OSBPL8: variants seen among roughly 807,000 people sequenced by gnomAD.
OSBPL8 encodes the protein oxysterol binding protein like 8.
A neutral mutation model predicts 125.5 loss-of-function variants in OSBPL8; 59 were observed. The ratio of observed to expected loss-of-function variants is 0.47; its 90% CI spans 0.38 to 0.58. The LOEUF (loss-of-function observed/expected upper bound fraction) is 0.58. Ranked by LOEUF, OSBPL8 falls within the 20% of genes least tolerant of loss-of-function variation. The pLI is 0.00. For synonymous variants in OSBPL8, 330 were observed against 338.9 expected (o/e 0.97, Z 0.29); for missense variants, 758 against 1,047.8 (o/e 0.72, Z 3.82).
At chr12:76,455,951 C>T (rs1230570959) in intron 3 of OSBPL8, among the ~76,000 whole-genome samples, 1 of 152,218 alleles carries the variant, frequency 6.6e-6, no homozygotes, top group East Asian at 1.9e-4. Context: ...GCTGTTTCTA[C>T]TTCAAGTGGA....
chr12:76,498,466 T>C (rs560193060), intron 1 of OSBPL8, among the ~76,000 whole-genome samples: 1 of 152,324 alleles, frequency 6.6e-6, no homozygotes, highest in South Asian at 2.1e-4. Context: ...CATGTTTGCA[T>C]CTGTACTTTC....
intron 1 of OSBPL8, among the ~76,000 whole-genome samples, chr12:76,516,947 G>A (rs1365604171): frequency 6.6e-6 from 1 of 151,684 alleles, no homozygotes; most frequent in African/African-American, 2.4e-5. Flanking sequence ...CTGAGTAGCT[G>A]GGATTACAGC....
chr12:76,547,426 A>C (rs1440096683), intron 1 of OSBPL8, among the ~76,000 whole-genome samples: 1 of 152,214 alleles, frequency 6.6e-6, no homozygotes, highest in Non-Finnish European at 1.5e-5. Flanking sequence ...AACAAAAAAT[A>C]CAAAACAATA....
chr12:76,373,598 T>G, intron 17 of OSBPL8, 165 bp from the exon 18 acceptor site: 1 of 471,038 alleles, frequency 2.1e-6, no homozygotes, highest in Non-Finnish European at 3.7e-6. Flanking sequence ...AAATGTTTAA[T>G]AAGAAATCTG....
chr12:76,513,547 T>C (rs1265841520), intron 1 of OSBPL8, among the ~76,000 whole-genome samples: 1 of 152,154 alleles, frequency 6.6e-6, no homozygotes, highest in East Asian at 1.9e-4. Context: ...ACTATTATCG[T>C]GCGGGAGTTT....
intron 1 of OSBPL8, among the ~76,000 whole-genome samples, chr12:76,544,962 A>C (rs968526595): frequency 6.6e-6 from 1 of 152,170 alleles, no homozygotes; most frequent in African/African-American, 2.4e-5. Context: ...TCTCTAAAGA[A>C]TCTAAAAGGC....
At position 76,357,616 on chromosome 12, in the gene OSBPL8, T is replaced by A. The variant is rs138557962; in HGVS notation, c.2435-888A>T. 1.8e-3 allele frequency among the ~76,000 whole-genome samples: 272 copies of A among 152,326 alleles called. 1 individual carries two copies. The highest frequency in any genetic ancestry group is 3.1e-3 in the Non-Finnish European group (209 of 68,034). On this transcript the variant is annotated intron_variant, in intron 22 of 23. Coordinates refer to ENST00000261183, the MANE Select transcript of OSBPL8 (RefSeq NM_020841.5). ...GTTCATTCCTCTAACTACTCTAGTA[T>A]GTTACCCCTACCCCACTCTCCAAGC...
chr12:76,518,995 C>T (rs1368205046), intron 1 of OSBPL8, among the ~76,000 whole-genome samples: 2 of 152,192 alleles, frequency 1.3e-5, no homozygotes, highest in African/African-American at 2.4e-5. Flanking sequence ...TTTAGTCATG[C>T]TAATCACTCT....
chr12:76,384,252 A>G lies in OSBPL8; in HGVS notation c.1630+2T>C. On this transcript the variant is annotated splice_donor_variant, in intron 15 of 23. Coordinates refer to ENST00000261183, the MANE Select transcript of OSBPL8 (RefSeq NM_020841.5). LOFTEE classifies it high-confidence loss of function. The stretch of plus-strand genomic sequence containing the variant: ...GGTGCAAGTTGGGACGGGAAAACTC[A>G]CCATAAAACTTAGACTTAGCCAGGA... 1 of 1,483,906 alleles carries G rather than the reference A, an allele frequency of 6.7e-7. No homozygotes were observed. Among genetic ancestry groups the G allele is most frequent in the East Asian group, 2.3e-5 (1 of 42,932 alleles). The allele number at this position is 1,483,906 out of a possible 1,614,324, so 91.9% of individuals were successfully genotyped here.
At chr12:76,452,524 G>C (rs1276702226) in intron 3 of OSBPL8, among the ~76,000 whole-genome samples, 1 of 151,980 alleles carries the variant, frequency 6.6e-6, no homozygotes, top group African/African-American at 2.4e-5. Flanking sequence ...CCCAAACTCA[G>C]TTCATGCCAT....
intron 17 of OSBPL8, 79 bp from the exon 18 acceptor site, chr12:76,373,512 AC>A: frequency 9.6e-7 from 1 of 1,044,488 alleles, no homozygotes. Flanking sequence ...AAAAAACCCA[AC>A]AAAAATTGCT....
At chr12:76,436,141 T>C (rs1871414349) in intron 4 of OSBPL8, among the ~76,000 whole-genome samples, 2 of 152,180 alleles carry the variant, frequency 1.3e-5, no homozygotes, top group African/African-American at 4.8e-5. Context: ...CTCCCTTTCC[T>C]AGCTGATGTT....
At chr12:76,470,488 T>C (rs1233131447) in intron 2 of OSBPL8, among the ~76,000 whole-genome samples, 1 of 152,218 alleles carries the variant, frequency 6.6e-6, no homozygotes, top group East Asian at 1.9e-4. Flanking sequence ...GTTTCACGCA[T>C]TTCAATTGTC....
intron 1 of OSBPL8, among the ~76,000 whole-genome samples, chr12:76,545,912 T>C (rs1950770148): frequency 6.6e-6 from 1 of 152,208 alleles, no homozygotes. Flanking sequence ...TTAGTGATTA[T>C]TTTTAAAAAC....
At chr12:76,531,879 TACAAAA>T (rs1950348350) in intron 1 of OSBPL8, among the ~76,000 whole-genome samples, 1 of 151,588 alleles carries the variant, frequency 6.6e-6, no homozygotes, top group Non-Finnish European at 1.5e-5. Flanking sequence ...CTACTAAATA[TACAAAA>T]AATTAGCCAG....
In OSBPL8 at chr12:76,369,690, G is replaced by A; in HGVS notation, c.2187C>T (p.Cys729=). 1 of 1,613,632 alleles carries A rather than the reference G, an allele frequency of 6.2e-7. No individual in the cohort carries two copies. Among genetic ancestry groups the A allele is most frequent in the East Asian group, 2.2e-5 (1 of 44,850 alleles). Residue 729 remains cysteine, a synonymous_variant, in exon 20 of 24, where the codon TGC becomes TGT. Coordinates refer to ENST00000261183, the MANE Select transcript of OSBPL8 (RefSeq NM_020841.5). ...TGAGTGGATCAAGTTCAAATAATTT[G>A]CAAGACCACTCTTCATTTTTTGTTT... ...DRKTKNEEWS[C]KLFELDPLTG... is the part of the protein sequence containing the mutation.
At chr12:76,361,288 A>G (rs1019222784) in intron 21 of OSBPL8, among the ~76,000 whole-genome samples, 2 of 152,188 alleles carry the variant, frequency 1.3e-5, no homozygotes, top group South Asian at 4.1e-4. Flanking sequence ...CTCTTTGCTA[A>G]AGCATAACAA....
chr12:76,381,817 C>T (rs1953067152), intron 15 of OSBPL8, among the ~76,000 whole-genome samples: 1 of 151,868 alleles, frequency 6.6e-6, no homozygotes, highest in Admixed American at 6.6e-5. Context: ...TCATTGCAAC[C>T]TCTGCCTCCC....
At chr12:76,457,846 T>C (rs942037513) in intron 3 of OSBPL8, among the ~76,000 whole-genome samples, 1 of 152,218 alleles carries the variant, frequency 6.6e-6, no homozygotes, top group African/African-American at 2.4e-5. Context: ...ATTCTATTTA[T>C]AAAGCTCAGC....
Sources: allele counts gnomAD v4.1 joint callset (sites outside exome capture counted in the v4.1 genomes callset), GRCh38; gene constraint gnomAD v4.1.1; transcripts MANE v1.5; gene names NCBI Gene and HGNC (gene_info 2026-07-23, HGNC 2026-07-21).